Variants in RBAK observed in about 807,000 individuals in gnomAD.
RBAK encodes RB-associated KRAB zinc finger protein.
In RBAK, 39 loss-of-function variants were observed where a neutral mutation model predicts 65.8. The ratio of observed to expected loss-of-function variants is 0.59; its 90% CI spans 0.46 to 0.77. The LOEUF (loss-of-function observed/expected upper bound fraction) is 0.77. Ranked by LOEUF, RBAK falls within the 30% of genes least tolerant of loss-of-function variation. The pLI is 0.00. For synonymous variants in RBAK, 343 were observed against 289.7 expected (o/e 1.18, Z -1.87); for missense variants, 884 against 855.1 (o/e 1.03, Z -0.42).
Position 5,065,029 on chromosome 7 carries a change from G to C in RBAK, c.1573G>C (p.Ala525Pro), listed in dbSNP as rs1315481851. 6.2e-7 allele frequency: 1 copy of C among 1,612,978 alleles called. No homozygotes were observed. The highest frequency in any genetic ancestry group is 1.1e-5 in the South Asian group (1 of 90,984). Reference protein sequence around the residue: ...ECGKTFLVNSAFDGHQPLPKG... With the variant: ...ECGKTFLVNSPFDGHQPLPKG... ...TGGGAAAACCTTCCTTGTAAATTCA[G>C]CCTTCGATGGGCACCAGCCACTTCC... The change falls in exon 5 of 5, where the codon GCC becomes CCC. Residue 525 changes from alanine (A) to proline (P), a missense_variant. Physicochemically the swap from Ala to Pro is conservative, Grantham distance 27. Coordinates refer to ENST00000396912, the MANE Select transcript of RBAK (RefSeq NM_021163.4). This position sits in a 1 kb window ranked among gnomAD's most constrained non-coding sequence, Gnocchi z 5.3.
intron 4 of RBAK, among the ~76,000 whole-genome samples, chr7:5,058,768 G>A (rs761208865): frequency 6.6e-5 from 10 of 152,098 alleles, no homozygotes; most frequent in African/African-American, 1.2e-4. Context: ...AGTGAATGTC[G>A]GTTCCTTTTC....
At chr7:5,051,448 C>G (rs942030791) in intron 2 of RBAK, among the ~76,000 whole-genome samples, 2 of 152,134 alleles carry the variant, frequency 1.3e-5, no homozygotes, top group African/African-American at 2.4e-5. Context: ...CAAGAACTTT[C>G]TATTAAATAC....
At chr7:5,057,233 TA>T in intron 2 of RBAK, 61 bp from the exon 3 acceptor site, 1 of 1,610,162 alleles carries the variant, frequency 6.2e-7, no homozygotes. Flanking sequence ...GTGGGCTTTG[TA>T]AAACGTTATC....
intron 2 of RBAK, among the ~76,000 whole-genome samples, chr7:5,049,676 C>T (rs1788072419): frequency 6.6e-6 from 1 of 152,078 alleles, no homozygotes; most frequent in African/African-American, 2.4e-5. Context: ...GTAAGTATTT[C>T]TGCTTGTCTT....
At chr7:5,053,702 A>G (rs1018470759) in intron 2 of RBAK, among the ~76,000 whole-genome samples, 2 of 152,042 alleles carry the variant, frequency 1.3e-5, no homozygotes, top group African/African-American at 4.8e-5. Flanking sequence ...TGCTGTCTTT[A>G]TATTCACTAA....
intron 1 of RBAK, among the ~76,000 whole-genome samples, chr7:5,047,727 C>G (rs1788025952): frequency 1.3e-5 from 2 of 151,250 alleles, no homozygotes; most frequent in African/African-American, 4.9e-5. Context: ...CCTCAGCCTC[C>G]TGAGTAGCTG....
At position 5,064,753 on chromosome 7, in the gene RBAK, G is replaced by A. The variant is rs761910993; in HGVS notation, c.1297G>A (p.Glu433Lys). 2.0e-5 allele frequency: 32 copies of A among 1,613,964 alleles called. No individual in the cohort carries two copies. Among genetic ancestry groups the A allele is most frequent in the South Asian group, 3.3e-5 (3 of 91,080 alleles). The change falls in exon 5 of 5, where the codon GAG becomes AAG. Residue 433 changes from glutamate (E) to lysine (K), a missense_variant. By Grantham distance (56) the Glu-to-Lys change is moderately conservative (BLOSUM62 1). Coordinates refer to ENST00000396912, the MANE Select transcript of RBAK (RefSeq NM_021163.4). The surrounding 1 kb of genome is among the most constrained non-coding windows in gnomAD (Gnocchi z 6.3). The part of the protein sequence containing the change: ...HTGEKPYQCS[E>K]CGKFFSRVSY... ...GGGAGAGAAGCCCTATCAGTGTAGC[G>A]AGTGTGGGAAATTCTTTTCTCGGGT...
intron 4 of RBAK, among the ~76,000 whole-genome samples, chr7:5,061,538 A>T (rs1347918154): frequency 6.9e-6 from 1 of 145,002 alleles, no homozygotes; most frequent in Non-Finnish European, 1.5e-5. Context: ...CGATCCATCC[A>T]CCTTGGCCTC....
chr7:5,050,456 T>G (rs763238179), intron 2 of RBAK, among the ~76,000 whole-genome samples: 4 of 152,248 alleles, frequency 2.6e-5, no homozygotes, highest in African/African-American at 4.8e-5. Context: ...GTTACCTTCT[T>G]TGTTTTTGTG....
chr7:5,054,837 AAAGCTT>A (rs1788190128), intron 2 of RBAK, among the ~76,000 whole-genome samples: 1 of 152,134 alleles, frequency 6.6e-6, no homozygotes, highest in African/African-American at 2.4e-5. Context: ...GTTCCAGGAA[AAAGCTT>A]TTTGGTATTT....
At position 5,065,788 on chromosome 7, in the gene RBAK, A is replaced by G. The variant is rs1230405898; in HGVS notation, c.*187A>G. On this transcript the variant is annotated 3_prime_UTR_variant, in exon 5 of 5. Transcript: ENST00000396912. The surrounding 1 kb of genome is among the most constrained non-coding windows in gnomAD (Gnocchi z 5.3). ...GAATGTAACAAGAAGCAAAGCCTTCAGCAAGATCATACGACTCATCGGACA... is the reference window on the plus strand; with the variant it reads ...GAATGTAACAAGAAGCAAAGCCTTCGGCAAGATCATACGACTCATCGGACA... 1 of 432,132 alleles carries G rather than the reference A, an allele frequency of 2.3e-6. No homozygotes were observed. Among genetic ancestry groups the G allele is most frequent in the Admixed American group, 3.9e-5 (1 of 25,910 alleles). 26.8% of individuals were successfully genotyped at this position (432,132 alleles called of 1,614,324 possible). A position where few individuals can be genotyped will look rare whatever the true frequency, so the allele number is the denominator to read the frequency against.
At chr7:5,049,601 TTACTTCCAAACTGA>T (rs775227443) in intron 2 of RBAK, among the ~76,000 whole-genome samples, 8 of 152,232 alleles carry the variant, frequency 5.3e-5, no homozygotes, top group Non-Finnish European at 1.2e-4. Context: ...TTGACATCTG[TTACTTCCAAACTGA>T]TACTTTCTCC....
In RBAK at chr7:5,066,460, A is replaced by G. The variant is rs557044228; in HGVS notation, c.*859A>G. The G allele has an allele frequency of 6.2e-4, 94 of 152,294 alleles. No individual in the cohort carries two copies. The highest frequency in any genetic ancestry group is 2.2e-3 in the African/African-American group (93 of 41,586). 9.4% of individuals were successfully genotyped at this position (152,294 alleles called of 1,614,324 possible). ...TTTAAGTCTATTTCAGTGAAAGAGA[A>G]CAAGCATACTGCCCATACTCTAAAA... On this transcript the variant is annotated 3_prime_UTR_variant, in exon 5 of 5. Coordinates refer to ENST00000396912, the MANE Select transcript of RBAK (RefSeq NM_021163.4).
At chr7:5,050,210 A>G (rs566943077) in intron 2 of RBAK, among the ~76,000 whole-genome samples, 171 of 152,224 alleles carry the variant, frequency 1.1e-3, no homozygotes, top group Non-Finnish European at 2.2e-3. Context: ...ATTGGGTTAA[A>G]TCTTTTAATA....
In RBAK at chr7:5,063,973, CATGGAGAGAAA is replaced by C; in HGVS notation, c.521_531del (p.Gly174ValfsTer2). 1 of 1,613,582 alleles carries C rather than the reference CATGGAGAGAAA, an allele frequency of 6.2e-7. No individual in the cohort carries two copies. Among genetic ancestry groups the C allele is most frequent in the Non-Finnish European group, 8.5e-7 (1 of 1,179,826 alleles). On this transcript the variant is annotated frameshift_variant, in exon 5 of 5. Coordinates refer to ENST00000396912, the MANE Select transcript of RBAK (RefSeq NM_021163.4). LOFTEE classifies it high-confidence loss of function. ...GTGTAATGAATGTGGGAAAACATAT[CATGGAGAGAAA>C]ATGTGTGAATTTAATCAAAATGGGG...
intron 2 of RBAK, among the ~76,000 whole-genome samples, chr7:5,055,991 TC>T (rs768197720): frequency 6.6e-6 from 1 of 152,180 alleles, no homozygotes; most frequent in Non-Finnish European, 1.5e-5. Context: ...ACTGGGCACT[TC>T]CTTTTTCTAA....
chr7:5,059,862 C>G (rs991215738), intron 4 of RBAK, among the ~76,000 whole-genome samples: 4 of 151,998 alleles, frequency 2.6e-5, no homozygotes, highest in Non-Finnish European at 4.4e-5. Context: ...ATTATATATT[C>G]TAAGATTATA....
chr7:5,053,864 C>T (rs1788167906), intron 2 of RBAK, among the ~76,000 whole-genome samples: 1 of 152,168 alleles, frequency 6.6e-6, no homozygotes, highest in Non-Finnish European at 1.5e-5. Context: ...TGAACTCTCT[C>T]AGTGCTCTGT....
At position 5,065,025 on chromosome 7, in the gene RBAK, T is replaced by G. The variant is rs1562541171; in HGVS notation, c.1569T>G (p.Asn523Lys). 1 of 1,612,912 alleles carries G rather than the reference T, an allele frequency of 6.2e-7. No individual in the cohort carries two copies. The highest frequency in any genetic ancestry group is 8.5e-7 in the Non-Finnish European group (1 of 1,179,618). The change falls in exon 5 of 5, where the codon AAT (asparagine) becomes AAG (lysine). Residue 523 changes from asparagine (N) to lysine (K), a missense_variant. Asn to Lys is a moderately conservative substitution (Grantham distance 94, BLOSUM62 0). Coordinates refer to ENST00000396912, the MANE Select transcript of RBAK (RefSeq NM_021163.4). The surrounding 1 kb of genome is among the most constrained non-coding windows in gnomAD (Gnocchi z 5.3). ...AATGTGGGAAAACCTTCCTTGTAAATTCAGCCTTCGATGGGCACCAGCCAC... is the reference window on the plus strand; with the variant it reads ...AATGTGGGAAAACCTTCCTTGTAAAGTCAGCCTTCGATGGGCACCAGCCAC... Reference protein sequence around the residue: ...CNECGKTFLVNSAFDGHQPLP... With the variant: ...CNECGKTFLVKSAFDGHQPLP...
Sources: allele counts gnomAD v4.1 joint callset (sites outside exome capture counted in the v4.1 genomes callset), GRCh38; gene constraint gnomAD v4.1.1; non-coding constraint Gnocchi (gnomAD v3.1); transcripts MANE v1.5; gene names NCBI Gene and HGNC (gene_info 2026-07-23, HGNC 2026-07-21).